Variants in STK38 observed in about 807,000 individuals in gnomAD.
STK38 encodes serine/threonine kinase 38.
Under a neutral mutation model 59.0 loss-of-function variants are expected in STK38, and 26 were observed. The observed-to-expected ratio is 0.44, with a 90% CI of 0.32 to 0.61. STK38 has a LOEUF of 0.61. STK38 is among the 20% of genes least tolerant of loss of function. STK38 has a pLI of 0.04. For synonymous variants in STK38, 175 were observed against 176.6 expected (o/e 0.99, Z 0.07); for missense variants, 433 against 566.0 (o/e 0.76, Z 2.38).
At chr6:36,544,929 G>A (rs1778024101) in intron 1 of STK38, among the ~76,000 whole-genome samples, 3 of 152,108 alleles carry the variant, frequency 2.0e-5, no homozygotes, top group Non-Finnish European at 4.4e-5. Flanking sequence ...TAACCCTAAG[G>A]CAAACAGTGC....
intron 5 of STK38, among the ~76,000 whole-genome samples, chr6:36,520,090 T>C (rs1364043146): frequency 6.6e-6 from 1 of 152,180 alleles, no homozygotes; most frequent in East Asian, 1.9e-4. Flanking sequence ...ACAAAACCAA[T>C]GCATGCTTCT....
At position 36,521,826 on chromosome 6, in the gene STK38, T is replaced by G; in HGVS notation, c.307-9A>C. Reference sequence around the variant, plus strand: ...TTCTGAACAAGCCGTACCTAAAAAGTTATAAAAGAAATGCCAAGTCAAAAA... The same window carrying G: ...TTCTGAACAAGCCGTACCTAAAAAGGTATAAAAGAAATGCCAAGTCAAAAA... On this transcript the variant is annotated splice_polypyrimidine_tract_variant and intron_variant, in intron 4 of 13. Coordinates refer to ENST00000229812, the MANE Select transcript of STK38 (RefSeq NM_007271.4). 1 of 1,606,624 alleles carries G rather than the reference T, an allele frequency of 6.2e-7. No homozygotes were observed. Among genetic ancestry groups the G allele is most frequent in the Admixed American group, 1.7e-5 (1 of 58,560 alleles).
At position 36,501,817 on chromosome 6, in the gene STK38, A is replaced by G. The variant is rs1232619125; in HGVS notation, c.835-1827T>C. 2.0e-5 allele frequency among the ~76,000 whole-genome samples: 3 copies of G among 152,302 alleles called. No individual in the cohort carries two copies. The East Asian group carries it at 5.8e-4, about 29-fold the overall frequency. The stretch of plus-strand genomic sequence containing the variant: ...TGCTATACTGTTATATAAATTAGTC[A>G]CAATAGTTTTTATCCGTTCTTCTGT... On this transcript the variant is annotated intron_variant, in intron 9 of 13. Coordinates refer to ENST00000229812, the MANE Select transcript of STK38 (RefSeq NM_007271.4).
intron 7 of STK38, among the ~76,000 whole-genome samples, chr6:36,510,261 C>T (rs1777075808): frequency 6.6e-6 from 1 of 152,242 alleles, no homozygotes; most frequent in South Asian, 2.1e-4. Context: ...TGCTTCTTGG[C>T]ACCCAAAGTC....
chr6:36,498,262 GA>G, intron 11 of STK38, 100 bp downstream of exon 11: 1 of 1,457,822 alleles, frequency 6.9e-7, no homozygotes, highest in Non-Finnish European at 9.3e-7. Context: ...GGAATAGGAG[GA>G]AACAGAAAGC....
chr6:36,508,264 T>C (rs138389454), intron 7 of STK38, among the ~76,000 whole-genome samples: 153 of 152,234 alleles, frequency 1.0e-3, no homozygotes, highest in African/African-American at 3.6e-3. Flanking sequence ...GTCTACATAA[T>C]ATTCAGTTTA....
intron 9 of STK38, among the ~76,000 whole-genome samples, chr6:36,502,863 C>A (rs553050068): frequency 6.6e-6 from 1 of 152,186 alleles, no homozygotes; most frequent in Non-Finnish European, 1.5e-5. Flanking sequence ...AAAATGGTAC[C>A]ATTCTATATA....
At chr6:36,512,491 C>T (rs1270720912) in intron 7 of STK38, among the ~76,000 whole-genome samples, 2 of 152,156 alleles carry the variant, frequency 1.3e-5, no homozygotes, top group African/African-American at 4.8e-5. Flanking sequence ...ATATATCTGA[C>T]ATTAATGACA....
chr6:36,524,521 T>A, intron 3 of STK38, 58 bp from the exon 4 acceptor site: 1 of 1,541,928 alleles, frequency 6.5e-7, no homozygotes. Context: ...TGAAACTCTG[T>A]AACAAGTCAT....
rs745455390 is a variant in STK38, at chr6:36,540,173, T to TGAG, written c.27_29dup (p.Ser11dup). 17 of 1,614,072 alleles carry TGAG rather than the reference T, an allele frequency of 1.1e-5. 1 individual carries two copies. The South Asian group carries it at 1.9e-4, about 18-fold the overall frequency. On this transcript the variant is annotated inframe_insertion, in exon 2 of 14. Transcript: ENST00000229812. ...TTTCCTTTGTGTGGTTACTCATGGA[T>TGAG]GAGCAAGGTGTTGAGCCTGTCATTG...
intron 7 of STK38, among the ~76,000 whole-genome samples, chr6:36,511,273 G>A (rs558419658): frequency 6.6e-6 from 1 of 152,178 alleles, no homozygotes; most frequent in Admixed American, 6.5e-5. Context: ...AGGTTTGGAT[G>A]TGTGTATGTA....
intron 7 of STK38, among the ~76,000 whole-genome samples, chr6:36,509,129 C>T (rs1777040415): frequency 6.6e-6 from 1 of 152,226 alleles, no homozygotes; most frequent in African/African-American, 2.4e-5. Context: ...TTCAGCCCCA[C>T]CATTTGACAG....
At chr6:36,529,297 T>C (rs62402205) in intron 2 of STK38, among the ~76,000 whole-genome samples, 2,931 of 152,168 alleles carry the variant, frequency 0.019, 39 homozygotes, top group Non-Finnish European at 0.027. Context: ...CAAAATGGGA[T>C]AGATGAAGAA....
Position 36,494,127 on chromosome 6 carries a change from C to CT in STK38, c.*1656dup, listed in dbSNP as rs1200251038. On this transcript the variant is annotated 3_prime_UTR_variant, in exon 14 of 14. Coordinates refer to ENST00000229812, the MANE Select transcript of STK38 (RefSeq NM_007271.4). ...AAGAATCTCATTTACTTCCTTTTCA[C>CT]TAGCAGGCTATGAATGAAAGACTGA... 7 of 152,274 alleles carry CT rather than the reference C, an allele frequency of 4.6e-5. No homozygotes were observed. Among genetic ancestry groups the CT allele is most frequent in the African/African-American group, 1.7e-4 (7 of 41,466 alleles). 9.4% of individuals were successfully genotyped at this position (152,274 alleles called of 1,614,324 possible). A position where few individuals can be genotyped will look rare whatever the true frequency, so the allele number is the denominator to read the frequency against.
intron 5 of STK38, among the ~76,000 whole-genome samples, chr6:36,518,806 T>C (rs766148272): frequency 2.0e-5 from 3 of 152,224 alleles, no homozygotes; most frequent in Non-Finnish European, 4.4e-5. Flanking sequence ...AATCCCTGAA[T>C]AGTGGTTTTG....
Position 36,524,996 on chromosome 6 carries a change from C to A in STK38, c.184-533G>T, listed in dbSNP as rs1226232671. ...TTTTCTCCTACTGTATCTGTGGGCA[C>A]TGGGTGGAAGGGCTGATTTGAGATG... On this transcript the variant is annotated intron_variant, in intron 3 of 13. Transcript: ENST00000229812. 2.0e-5 allele frequency among the ~76,000 whole-genome samples: 3 copies of A among 152,138 alleles called. No homozygotes were observed. In the East Asian group the frequency reaches 5.8e-4, roughly 29 times the overall value.
intron 2 of STK38, among the ~76,000 whole-genome samples, 168 bp downstream of exon 2, chr6:36,539,904 G>A (rs1249832089): frequency 6.6e-6 from 1 of 151,952 alleles, no homozygotes; most frequent in Non-Finnish European, 1.5e-5. Flanking sequence ...GTAGGCATAA[G>A]TGGGTTAATG....
intron 1 of STK38, among the ~76,000 whole-genome samples, chr6:36,541,818 T>G (rs949768391): frequency 2.3e-4 from 33 of 146,316 alleles, no homozygotes; most frequent in African/African-American, 8.5e-4. Flanking sequence ...GCTTTTTCCA[T>G]GTTTTTCTTT....
At chr6:36,502,522 C>G (rs1776863797) in intron 9 of STK38, among the ~76,000 whole-genome samples, 1 of 152,040 alleles carries the variant, frequency 6.6e-6, no homozygotes, top group Admixed American at 6.6e-5. Flanking sequence ...CTGCAAGTAT[C>G]TTCTCCCAGA....
Sources: allele counts gnomAD v4.1 joint callset (sites outside exome capture counted in the v4.1 genomes callset), GRCh38; gene constraint gnomAD v4.1.1; transcripts MANE v1.5; gene names NCBI Gene and HGNC (gene_info 2026-07-23, HGNC 2026-07-21).